The following CBFB variants were observed in gnomAD, a reference collection of about 807,000 sequenced individuals.
CBFB encodes the protein CBF-beta.
Under a neutral mutation model 30.4 loss-of-function variants are expected in CBFB, and 9 were observed. The observed-to-expected ratio is 0.30, with a 90% CI of 0.18 to 0.52. The LOEUF (loss-of-function observed/expected upper bound fraction) is 0.52. Among genes scored for constraint, CBFB ranks in the 20% least tolerant of loss-of-function variants. The pLI, the probability that CBFB is intolerant of heterozygous loss-of-function variation, is 0.97. For synonymous variants in CBFB, 94 were observed against 84.0 expected (o/e 1.12, Z -0.65); for missense variants, 170 against 244.0 (o/e 0.70, Z 2.02).
chr16:67,075,454 T>C (rs1469951286), intron 4 of CBFB, among the ~76,000 whole-genome samples: 2 of 151,982 alleles, frequency 1.3e-5, no homozygotes, highest in Non-Finnish European at 2.9e-5. Flanking sequence ...GTACCAAACA[T>C]TGACAAGAAT....
intron 2 of CBFB, among the ~76,000 whole-genome samples, chr16:67,034,992 C>T (rs1417419740): frequency 1.3e-5 from 2 of 151,898 alleles, no homozygotes; most frequent in Non-Finnish European, 2.9e-5. Flanking sequence ...ACAGCCTGGG[C>T]AGTTTCCCTC....
At chr16:67,078,103 G>C (rs903863585) in intron 4 of CBFB, among the ~76,000 whole-genome samples, 1 of 152,218 alleles carries the variant, frequency 6.6e-6, no homozygotes, top group Non-Finnish European at 1.5e-5. Flanking sequence ...TTATTAGCAG[G>C]TGCCCTTTAT....
At chr16:67,098,594 C>A in intron 5 of CBFB, 116 bp from the exon 6 acceptor site, 1 of 614,444 alleles carries the variant, frequency 1.6e-6, no homozygotes, top group Non-Finnish European at 2.9e-6. Context: ...ACTATATTGG[C>A]TGAAAACTTT....
At chr16:67,042,147 C>G (rs1966542934) in intron 3 of CBFB, among the ~76,000 whole-genome samples, 1 of 152,112 alleles carries the variant, frequency 6.6e-6, no homozygotes, top group South Asian at 2.1e-4. Context: ...TGGTCTCGAC[C>G]TCCTGACCTC....
In CBFB at chr16:67,076,027, C is replaced by T. The variant is rs367698598; in HGVS notation, c.400-6186C>T. Among the ~76,000 whole-genome samples, 65 of 152,220 alleles carry T rather than the reference C, an allele frequency of 4.3e-4. 2 individuals carry two copies. The East Asian group carries it at 9.8e-3, about 23-fold the overall frequency. ...TGGGCAGATCACAAGGTCAGGAGTT[C>T]GAGACCACCTTGGCCAGTATGGTGA... On this transcript the variant is annotated intron_variant, in intron 4 of 5. Coordinates refer to ENST00000412916, the MANE Select transcript of CBFB (RefSeq NM_022845.3).
chr16:67,062,520 G>A (rs1035589497), intron 3 of CBFB, among the ~76,000 whole-genome samples: 2 of 151,402 alleles, frequency 1.3e-5, no homozygotes, highest in East Asian at 2.0e-4. Flanking sequence ...TGGCCGGTGC[G>A]GTGGCTCATC....
At chr16:67,094,935 G>C (rs1299236780) in intron 5 of CBFB, among the ~76,000 whole-genome samples, 1 of 152,116 alleles carries the variant, frequency 6.6e-6, no homozygotes, top group Non-Finnish European at 1.5e-5. Context: ...TTAAGAAAGA[G>C]GCCGGATTTG....
intron 5 of CBFB, among the ~76,000 whole-genome samples, chr16:67,086,473 A>G (rs753913437): frequency 1.3e-5 from 2 of 152,184 alleles, no homozygotes; most frequent in African/African-American, 4.8e-5. Context: ...CTTTATGGCA[A>G]TCCCATGAGA....
chr16:67,035,945 T>G (rs1488535552), intron 2 of CBFB, among the ~76,000 whole-genome samples: 1 of 152,210 alleles, frequency 6.6e-6, no homozygotes. Context: ...TTTAGATTGT[T>G]GCATCTGTTG....
intron 3 of CBFB, among the ~76,000 whole-genome samples, chr16:67,056,264 TTAGA>T (rs1439115094): frequency 6.6e-6 from 1 of 152,190 alleles, no homozygotes; most frequent in Admixed American, 6.5e-5. Context: ...AATGTACATG[TTAGA>T]TAAGTTCCCT....
chr16:67,047,775 A>AT (rs1279206411), intron 3 of CBFB, among the ~76,000 whole-genome samples: 3 of 151,902 alleles, frequency 2.0e-5, no homozygotes, highest in Non-Finnish European at 2.9e-5. Flanking sequence ...TTTCTTGGCC[A>AT]TTTTTTTACT....
Position 67,098,835 on chromosome 16 carries a change from G to T in CBFB, c.*57G>T. The stretch of plus-strand genomic sequence containing the variant: ...TTTACATACACATTGCTTCTAGTTG[G>T]CAGAAATAATTGATTAAAAGACCAG... On this transcript the variant is annotated 3_prime_UTR_variant, in exon 6 of 6. Transcript: ENST00000412916. 2.0e-6 allele frequency: 2 copies of T among 991,524 alleles called. No homozygotes were observed. Among genetic ancestry groups the T allele is most frequent in the East Asian group, 4.8e-5 (2 of 41,778 alleles). 61.4% of individuals were successfully genotyped at this position (991,524 alleles called of 1,614,324 possible).
In CBFB at chr16:67,042,898, GC is replaced by G. The variant is rs1466064945; in HGVS notation, c.282+6144del. Among the ~76,000 whole-genome samples, 3 of 152,104 alleles carry G rather than the reference GC, an allele frequency of 2.0e-5. No homozygotes were observed. In the East Asian group the frequency reaches 5.8e-4, roughly 29 times the overall value. On this transcript the variant is annotated intron_variant, in intron 3 of 5. Coordinates refer to ENST00000412916, the MANE Select transcript of CBFB (RefSeq NM_022845.3). ...TTACAGGCACATGCCACCACATGTG[GC>G]TAATTTTTGTACTTTTAGTAGAGAC...
chr16:67,036,442 G>T, intron 2 of CBFB, 197 bp from the exon 3 acceptor site: 1 of 511,154 alleles, frequency 2.0e-6, no homozygotes, highest in South Asian at 3.3e-5. Context: ...GCAGCCAATG[G>T]CAAATGTCCT....
At chr16:67,079,845 A>G (rs1961505763) in intron 4 of CBFB, among the ~76,000 whole-genome samples, 1 of 152,144 alleles carries the variant, frequency 6.6e-6, no homozygotes, top group African/African-American at 2.4e-5. Context: ...CAAGTGTACC[A>G]TCAAAAATCC....
intron 5 of CBFB, among the ~76,000 whole-genome samples, chr16:67,087,187 A>G (rs1225853528): frequency 3.9e-5 from 6 of 152,228 alleles, no homozygotes; most frequent in African/African-American, 9.6e-5. Context: ...GAGATTAACT[A>G]TTTGACAATT....
chr16:67,079,662 G>A (rs1033601297), intron 4 of CBFB, among the ~76,000 whole-genome samples: 1 of 151,968 alleles, frequency 6.6e-6, no homozygotes. Context: ...CAGTTCCTAA[G>A]AAGGTGGAAT....
In CBFB at chr16:67,076,631, A is replaced by G. The variant is rs138837433; in HGVS notation, c.400-5582A>G. Among the ~76,000 whole-genome samples the G allele has an allele frequency of 5.7e-3, 865 of 152,330 alleles. 3 individuals are homozygous for G. The highest frequency in any genetic ancestry group is 0.019 in the African/African-American group (808 of 41,572). Reference sequence around the variant, plus strand: ...GGAGGGAAACAGGGTAGAGCAGCACAGAAACTGAAATGCCCAAAGTCTCAA... The same window carrying G: ...GGAGGGAAACAGGGTAGAGCAGCACGGAAACTGAAATGCCCAAAGTCTCAA... On this transcript the variant is annotated intron_variant, in intron 4 of 5. Transcript: ENST00000412916.
chr16:67,057,137 C>T (rs1567612225), intron 3 of CBFB, among the ~76,000 whole-genome samples: 2 of 151,932 alleles, frequency 1.3e-5, no homozygotes, highest in Non-Finnish European at 2.9e-5. Flanking sequence ...CACCTGCCAC[C>T]ATGCCCGGCT....
Sources: gnomAD v4.1 joint callset for allele counts (sites outside exome capture counted in the v4.1 genomes callset) on GRCh38, gnomAD v4.1.1 for gene constraint, MANE v1.5 for transcripts, NCBI Gene and HGNC (gene_info 2026-07-23, HGNC 2026-07-21) for gene names.